TNK2: variants seen among roughly 807,000 people sequenced by gnomAD.
TNK2 encodes the protein tyrosine kinase non receptor 2, also known as activated CDC42 kinase 1.
A neutral mutation model predicts 101.8 loss-of-function variants in TNK2; 83 were observed. That is an observed-to-expected ratio of 0.82 (90% CI 0.68 to 0.98). The LOEUF is 0.98. Ranked by LOEUF, TNK2 falls within the 50% of genes least tolerant of loss-of-function variation. The pLI, the probability that TNK2 is intolerant of heterozygous loss-of-function variation, is 0.00. For synonymous variants in TNK2, 804 were observed against 633.0 expected, an observed-to-expected ratio of 1.27 and a Z score of -4.06; for missense variants, 1,665 against 1,483.2, an observed-to-expected ratio of 1.12 and a Z score of -2.01.
chr3:195,885,761 GC>G lies in TNK2; in HGVS notation c.235-729del. 2.5e-6 allele frequency: 1 copy of G among 402,904 alleles called. No individual in the cohort carries two copies. The highest frequency in any genetic ancestry group is 4.5e-6 in the Non-Finnish European group (1 of 220,520). The allele number at this position is 402,904 out of a possible 1,614,324, so 25.0% of individuals were successfully genotyped here. On this transcript the variant is annotated intron_variant, in intron 3 of 15. Transcript: ENST00000672887. This position sits in a 1 kb window ranked among gnomAD's most constrained non-coding sequence, Gnocchi z 4.7. ...AAGGTCAAGGGACAGAAGAAAGGAG[GC>G]CATGAGGGTCAAAGCTGGCCACGTC...
chr3:195,887,300 G>C (rs928907312), intron 2 of TNK2, among the ~76,000 whole-genome samples: 1 of 152,188 alleles, frequency 6.6e-6, no homozygotes, highest in African/African-American at 2.4e-5. Context: ...CCAGTTCTCA[G>C]GAAAAATCAA....
intron 1 of TNK2, among the ~76,000 whole-genome samples, chr3:195,903,531 A>C (rs1220733466): frequency 6.6e-6 from 1 of 152,094 alleles, no homozygotes; most frequent in African/African-American, 2.4e-5. Flanking sequence ...AGCCTGGCCA[A>C]CATAGTGAAA....
intron 9 of TNK2, among the ~76,000 whole-genome samples, chr3:195,877,090 TC>T (rs1749826093): frequency 1.3e-5 from 2 of 151,856 alleles, no homozygotes; most frequent in Non-Finnish European, 2.9e-5. Context: ...CCCTTAATCT[TC>T]CTATTTCCAG....
Position 195,884,795 on chromosome 3 carries a change from G to A in TNK2, c.456+17C>T, listed in dbSNP as rs757779270. On this transcript the variant is annotated intron_variant, in intron 4 of 15. Transcript: ENST00000672887. The stretch of plus-strand genomic sequence containing the variant: ...GTCCCATGCCTCTGCTGCGCTGGCA[G>A]GACACAGAGAGCTCACCGTCTTCCC... 1.3e-6 allele frequency: 2 copies of A among 1,597,994 alleles called. No individual in the cohort carries two copies. The highest frequency in any genetic ancestry group is 1.7e-5 in the Admixed American group (1 of 58,812).
chr3:195,868,101 G>A lies in TNK2; in HGVS notation c.2197C>T (p.Leu733=), dbSNP rs1472833888. 1 of 1,611,074 alleles carries A rather than the reference G, an allele frequency of 6.2e-7. No individual in the cohort carries two copies. Residue 733 remains leucine (L), a synonymous_variant, in exon 13 of 16, where the codon CTG becomes TTG. Transcript: ENST00000672887. ...GCCGGGGAGCCGGCCGGAGCCTGCAGTTGCCTCATGCACTCCTGCTGTAGC... is the reference window on the plus strand; with the variant it reads ...GCCGGGGAGCCGGCCGGAGCCTGCAATTGCCTCATGCACTCCTGCTGTAGC... ...QALQQECMRQ[L]QAPAGSPAPS...
At chr3:195,879,957 T>C (rs561640377) in intron 6 of TNK2, among the ~76,000 whole-genome samples, 1 of 152,142 alleles carries the variant, frequency 6.6e-6, no homozygotes, top group African/African-American at 2.4e-5. Context: ...CTGCTCTAAA[T>C]TACTCCAGGA....
At chr3:195,872,032 AGAACCC>A (rs1745808097) in intron 10 of TNK2, among the ~76,000 whole-genome samples, 1 of 142,530 alleles carries the variant, frequency 7.0e-6, no homozygotes, top group Non-Finnish European at 1.5e-5. Flanking sequence ...CCTCCCCTGG[AGAACCC>A]TCCCCTGGAG....
intron 9 of TNK2, among the ~76,000 whole-genome samples, chr3:195,877,186 G>T (rs1476403003): frequency 6.6e-6 from 1 of 152,128 alleles, no homozygotes. Flanking sequence ...CTGTCCCCAG[G>T]CCTCTCTTTC....
chr3:195,867,047 G>C lies in TNK2; in HGVS notation c.3034-31C>G, dbSNP rs201997230. 4 of 1,611,602 alleles carry C rather than the reference G, an allele frequency of 2.5e-6. No homozygotes were observed. The East Asian group carries it at 8.9e-5, about 36-fold the overall frequency. ...GGTAAGGGTGGCGCCATGGACACGC[G>C]GGCCCAGGGCACCGACTAGGGTGGG... On this transcript the variant is annotated intron_variant, in intron 14 of 15. Coordinates refer to ENST00000672887, the MANE Select transcript of TNK2 (RefSeq NM_001382273.1).
chr3:195,882,668 G>C lies in TNK2; in HGVS notation c.610-340C>G. ...AGGTCAGGAGTTTGAGACCAGCCTG[G>C]CCAACATGGTGAAACCCCGTCTCTA... On this transcript the variant is annotated intron_variant, in intron 5 of 15. Transcript: ENST00000672887. The surrounding 1 kb of genome is among the most constrained non-coding windows in gnomAD (Gnocchi z 4.2). The C allele has an allele frequency of 1.7e-6, 1 of 591,794 alleles. No individual in the cohort carries two copies. Among genetic ancestry groups the C allele is most frequent in the African/African-American group, 1.9e-5 (1 of 52,744 alleles). 36.7% of individuals were successfully genotyped at this position (591,794 alleles called of 1,614,324 possible). A position where few individuals can be genotyped will look rare whatever the true frequency, so the allele number is the denominator to read the frequency against.
In TNK2 at chr3:195,867,570, G is replaced by A. The variant is rs1741749935; in HGVS notation, c.2728C>T (p.Pro910Ser). 6.3e-7 allele frequency: 1 copy of A among 1,576,158 alleles called. No homozygotes were observed. The highest frequency in any genetic ancestry group is 8.6e-7 in the Non-Finnish European group (1 of 1,169,058). The change falls in exon 13 of 16, where the codon CCC becomes TCC. Residue 910 changes from proline to serine, a missense_variant. Around this residue, in one of 3 missense-constraint regions of TNK2, gnomAD observed 1,136 missense variants for 894.9 expected, o/e 1.27. Coordinates refer to ENST00000672887, the MANE Select transcript of TNK2 (RefSeq NM_001382273.1). The part of the protein sequence containing the change: ...PTPLPVPLLL[P>S]PPSTPAPAAP... ...GCGGGGGCTGGGGTGCTGGGTGGGG[G>A]CAGCAGCAGAGGCACAGGCAGGGGG...
intron 12 of TNK2, chr3:195,869,274 C>G: frequency 3.3e-6 from 2 of 610,362 alleles, no homozygotes; most frequent in Non-Finnish European, 2.9e-6. Flanking sequence ...GGAGTGAGGC[C>G]GAGGCGGAAG....
chr3:195,896,896 G>T (rs1400342914), intron 1 of TNK2: 2 of 152,224 alleles, frequency 1.3e-5, no homozygotes, highest in South Asian at 2.1e-4. Flanking sequence ...CCAACTGCAT[G>T]CGAAGTGACA....
chr3:195,883,978 G>A (rs1188057086), intron 4 of TNK2: 5 of 152,496 alleles, frequency 3.3e-5, no homozygotes, highest in African/African-American at 1.2e-4. Context: ...CCCGGGAGAA[G>A]GACGCACTGA....
Position 195,884,828 on chromosome 3 carries a change from G to C in TNK2, c.440C>G (p.Ala147Gly). The change falls in exon 4 of 16, where the codon GCG becomes GGG. Residue 147 changes from alanine to glycine, a missense_variant. Coordinates refer to ENST00000672887, the MANE Select transcript of TNK2 (RefSeq NM_001382273.1). ...FGVVRRGEWD[A>G]PSGKTVSVAV... is the part of the protein sequence containing the mutation. ...AGAGCTCACCGTCTTCCCTGAGGGC[G>C]CGTCCCACTCGCCCCTGCGCACCAC... 6.2e-7 allele frequency: 1 copy of C among 1,611,580 alleles called. No individual in the cohort carries two copies. Among genetic ancestry groups the C allele is most frequent in the Non-Finnish European group, 8.5e-7 (1 of 1,179,692 alleles).
chr3:195,876,861 A>T (rs1472839035), intron 9 of TNK2: 1 of 355,908 alleles, frequency 2.8e-6, no homozygotes, highest in African/African-American at 2.1e-5. Context: ...CCAGAGACAC[A>T]CGCCCCAAAC....
At chr3:195,883,056 A>G (rs2149553483) in intron 5 of TNK2, 101 bp downstream of exon 5, 1 of 1,453,500 alleles carries the variant, frequency 6.9e-7, no homozygotes, top group Admixed American at 1.9e-5. Flanking sequence ...CCAAAGTAGG[A>G]TCTAGGGCGC....
intron 1 of TNK2, among the ~76,000 whole-genome samples, chr3:195,891,704 C>T (rs1758533257): frequency 6.6e-6 from 1 of 152,204 alleles, no homozygotes; most frequent in Non-Finnish European, 1.5e-5. Context: ...CCTAGTCTCC[C>T]GCAGGGAGAG....
intron 6 of TNK2, among the ~76,000 whole-genome samples, chr3:195,880,637 T>C (rs1213040973): frequency 1.4e-5 from 1 of 73,874 alleles, no homozygotes; most frequent in African/African-American, 6.6e-5. Context: ...CAATGCCCCT[T>C]GAAGAGGACA....
Sources: gnomAD v4.1 joint callset for allele counts (sites outside exome capture counted in the v4.1 genomes callset) on GRCh38, gnomAD v4.1.1 for gene constraint, gnomAD v4.1.1 regional missense constraint, Gnocchi (gnomAD v3.1) non-coding constraint, MANE v1.5 for transcripts, NCBI Gene and HGNC (gene_info 2026-07-23, HGNC 2026-07-21) for gene names.